DLGAP2: variants seen among roughly 807,000 people sequenced by gnomAD.
DLGAP2 encodes the protein DLG associated protein 2.
Under a neutral mutation model 100.3 loss-of-function variants are expected in DLGAP2, and 26 were observed. The ratio of observed to expected loss-of-function variants is 0.26; its 90% CI spans 0.19 to 0.36. The LOEUF is 0.36. DLGAP2 is among the 10% of genes least tolerant of loss of function. The probability of loss-of-function intolerance (pLI) is 1.00; values close to 1 mark genes in which losing one functional copy is unlikely to be tolerated. For synonymous variants in DLGAP2, 886 were observed against 630.1 expected, an observed-to-expected ratio of 1.41 and a Z score of -6.08; for missense variants, 1,858 against 1,453.2, an observed-to-expected ratio of 1.28 and a Z score of -4.53.
At chr8:864,161 G>A (rs925144206) in intron 1 of DLGAP2, among the ~76,000 whole-genome samples, 8 of 152,146 alleles carry the variant, frequency 5.3e-5, no homozygotes, top group Non-Finnish European at 7.4e-5. Context: ...GGAGCAGAGC[G>A]TAGAGTGATG....
chr8:1,247,258 T>C (rs1291817928), intron 2 of DLGAP2, among the ~76,000 whole-genome samples: 22 of 120,606 alleles, frequency 1.8e-4, no homozygotes, highest in African/African-American at 8.8e-4. Context: ...ACCTTTGAGA[T>C]CAGTGTGGGA....
chr8:1,134,704 C>T (rs1796367702), intron 2 of DLGAP2, among the ~76,000 whole-genome samples: 1 of 152,140 alleles, frequency 6.6e-6, no homozygotes, highest in South Asian at 2.1e-4. Flanking sequence ...CACAGTTCAG[C>T]AGGGCTGGGG....
Position 1,332,614 on chromosome 8 carries a change from C to G in DLGAP2, c.106+73731C>G, listed in dbSNP as rs536425237. On this transcript the variant is annotated intron_variant, in intron 3 of 14. Coordinates refer to ENST00000637795, the MANE Select transcript of DLGAP2 (RefSeq NM_001346810.2). Reference sequence around the variant, plus strand: ...TCACACATGCCCTGAGAAGCACACTCACCCCCTCCAGGTCACACGTCTAAG... The same window carrying G: ...TCACACATGCCCTGAGAAGCACACTGACCCCCTCCAGGTCACACGTCTAAG... 4.6e-5 allele frequency among the ~76,000 whole-genome samples: 7 copies of G among 152,204 alleles called. No individual in the cohort carries two copies. The East Asian group carries it at 7.7e-4, about 17-fold the overall frequency.
intron 3 of DLGAP2, among the ~76,000 whole-genome samples, chr8:1,327,330 G>A (rs764768863): frequency 3.3e-5 from 5 of 152,228 alleles, no homozygotes; most frequent in Non-Finnish European, 5.9e-5. Flanking sequence ...GCTCCACGGG[G>A]ACTGCAGTGG....
At chr8:1,661,843 A>G (rs186166073) in intron 8 of DLGAP2, among the ~76,000 whole-genome samples, 2 of 152,244 alleles carry the variant, frequency 1.3e-5, no homozygotes, top group Admixed American at 6.5e-5. Flanking sequence ...CATCCGCCCT[A>G]TGGGACAATT....
At chr8:1,319,718 G>T (rs571884204) in intron 3 of DLGAP2, among the ~76,000 whole-genome samples, 36 of 152,160 alleles carry the variant, frequency 2.4e-4, no homozygotes, top group Non-Finnish European at 4.7e-4. Context: ...ATGTCAGAAC[G>T]ATGGGAAGAG....
chr8:1,268,949 C>G (rs575646581), intron 3 of DLGAP2, among the ~76,000 whole-genome samples: 4 of 152,298 alleles, frequency 2.6e-5, no homozygotes, highest in African/African-American at 9.6e-5. Flanking sequence ...ACCCTCAGCT[C>G]TATCTGCAGC....
intron 4 of DLGAP2, among the ~76,000 whole-genome samples, chr8:1,546,417 G>A (rs747051165): frequency 3.3e-4 from 50 of 152,262 alleles, no homozygotes; most frequent in African/African-American, 1.0e-3. Flanking sequence ...GTGAGAAGCC[G>A]GTCCCTGACT....
intron 2 of DLGAP2, among the ~76,000 whole-genome samples, chr8:1,132,091 A>C (rs1432593975): frequency 1.3e-5 from 2 of 152,332 alleles, no homozygotes; most frequent in African/African-American, 4.8e-5. Context: ...GTGATCTCTT[A>C]ATGAATGACA....
At chr8:1,578,745 A>G (rs1803098964) in intron 6 of DLGAP2, among the ~76,000 whole-genome samples, 1 of 152,182 alleles carries the variant, frequency 6.6e-6, no homozygotes, top group Non-Finnish European at 1.5e-5. Context: ...AACATAGTGC[A>G]AGATAATAGA....
rs539853587 is a variant in DLGAP2, at chr8:1,554,051, G to A, written c.1230+4368G>A. 3.3e-5 allele frequency among the ~76,000 whole-genome samples: 5 copies of A among 152,302 alleles called. No individual in the cohort carries two copies. The East Asian group carries it at 7.7e-4, about 24-fold the overall frequency. On this transcript the variant is annotated intron_variant, in intron 5 of 14. Transcript: ENST00000637795. Reference sequence around the variant, plus strand: ...ACCTGTCATCCTAGCACTTTGGGAGGCCAACGCAGGTGGATCACCTGAGGT... The same window carrying A: ...ACCTGTCATCCTAGCACTTTGGGAGACCAACGCAGGTGGATCACCTGAGGT...
At chr8:1,313,523 A>G (rs1800659912) in intron 3 of DLGAP2, among the ~76,000 whole-genome samples, 1 of 152,192 alleles carries the variant, frequency 6.6e-6, no homozygotes, top group Non-Finnish European at 1.5e-5. Context: ...AGAAAAATCA[A>G]GAATGGACAA....
chr8:1,261,239 T>C (rs1412115873), intron 3 of DLGAP2, among the ~76,000 whole-genome samples: 1 of 150,098 alleles, frequency 6.7e-6, no homozygotes, highest in Non-Finnish European at 1.5e-5. Flanking sequence ...GCAGGTCGGC[T>C]TCCAGATATT....
At chr8:1,172,194 G>C (rs1056839403) in intron 2 of DLGAP2, among the ~76,000 whole-genome samples, 2 of 152,044 alleles carry the variant, frequency 1.3e-5, no homozygotes, top group African/African-American at 4.8e-5. Context: ...TTTTCTTTAA[G>C]AATGTTGAAT....
intron 3 of DLGAP2, among the ~76,000 whole-genome samples, chr8:1,351,948 C>T (rs181905483): frequency 1.4e-4 from 10 of 71,430 alleles, no homozygotes; most frequent in African/African-American, 4.0e-4. Context: ...GTGGAAAGGC[C>T]GTGCGGGTCC....
intron 3 of DLGAP2, among the ~76,000 whole-genome samples, chr8:1,458,883 C>G (rs893901641): frequency 6.6e-6 from 1 of 152,204 alleles, no homozygotes; most frequent in African/African-American, 2.4e-5. Flanking sequence ...GCTCTGTAGG[C>G]TGTGCTAGGG....
At chr8:978,723 CGCGG>C (rs1212721856) in intron 2 of DLGAP2, among the ~76,000 whole-genome samples, 3 of 151,960 alleles carry the variant, frequency 2.0e-5, no homozygotes, top group Admixed American at 1.3e-4. Flanking sequence ...GTCTTTGCCA[CGCGG>C]GCATGTGTAT....
At chr8:993,764 C>T (rs562493596) in intron 2 of DLGAP2, among the ~76,000 whole-genome samples, 2 of 144,850 alleles carry the variant, frequency 1.4e-5, no homozygotes, top group Non-Finnish European at 3.0e-5. Flanking sequence ...GACTTTAAGA[C>T]ACCATGCAAG....
chr8:1,615,211 T>C (rs1055841459), intron 6 of DLGAP2, among the ~76,000 whole-genome samples: 1 of 152,140 alleles, frequency 6.6e-6, no homozygotes, highest in Admixed American at 6.5e-5. Context: ...TGAAGATCAG[T>C]CTGGAGGCTG....
Sources: gnomAD v4.1 joint callset for allele counts (sites outside exome capture counted in the v4.1 genomes callset) on GRCh38, gnomAD v4.1.1 for gene constraint, MANE v1.5 for transcripts, NCBI Gene and HGNC (gene_info 2026-07-23, HGNC 2026-07-21) for gene names.